The following SPAG16 variants were observed in gnomAD, a reference collection of about 807,000 sequenced individuals.
The protein encoded by SPAG16 is sperm associated antigen 16, also known as sperm-associated antigen 16 protein.
In SPAG16, 86 loss-of-function variants were observed where a neutral mutation model predicts 80.4. The ratio of observed to expected loss-of-function variants is 1.07; its 90% CI spans 0.90 to 1.28. The LOEUF is 1.28. SPAG16 is among the 50% of genes most tolerant of loss of function. SPAG16 has a pLI of 0.00. For synonymous variants in SPAG16, 294 were observed against 265.9 expected, an observed-to-expected ratio of 1.11 and a Z score of -1.03; for missense variants, 870 against 765.3, an observed-to-expected ratio of 1.14 and a Z score of -1.61.
At chr2:214,136,062 C>G (rs1051558675) in intron 14 of SPAG16, among the ~76,000 whole-genome samples, 1 of 152,042 alleles carries the variant, frequency 6.6e-6, no homozygotes, top group Non-Finnish European at 1.5e-5. Flanking sequence ...GTAGCTGTCA[C>G]ATGGTGAGAG....
At chr2:214,410,045 T>A in intron 15 of SPAG16, 95 bp from the exon 16 acceptor site, 1 of 1,392,558 alleles carries the variant, frequency 7.2e-7, no homozygotes, top group South Asian at 1.2e-5. Flanking sequence ...GAATGATAAT[T>A]GAAAAAAATA....
chr2:213,380,551 T>A (rs2067118592), intron 9 of SPAG16, among the ~76,000 whole-genome samples: 1 of 152,206 alleles, frequency 6.6e-6, no homozygotes, highest in Non-Finnish European at 1.5e-5. Flanking sequence ...CTGCTATGCA[T>A]GACCCAGTTT....
At chr2:214,235,788 T>C (rs781556124) in intron 15 of SPAG16, among the ~76,000 whole-genome samples, 1 of 152,204 alleles carries the variant, frequency 6.6e-6, no homozygotes, top group Non-Finnish European at 1.5e-5. Context: ...ACAAACAACA[T>C]TTATTTCCAA....
chr2:214,161,217 A>T (rs891073664), intron 15 of SPAG16, among the ~76,000 whole-genome samples: 3 of 152,042 alleles, frequency 2.0e-5, no homozygotes, highest in Admixed American at 6.6e-5. Flanking sequence ...GGGCAATTAG[A>T]TTGATTTCAT....
chr2:214,221,598 G>A (rs1472656146), intron 15 of SPAG16, among the ~76,000 whole-genome samples: 1 of 152,008 alleles, frequency 6.6e-6, no homozygotes, highest in Non-Finnish European at 1.5e-5. Context: ...CTGCTAAAGA[G>A]TAAATATTTG....
chr2:213,952,991 T>C (rs2106328512), intron 12 of SPAG16, among the ~76,000 whole-genome samples: 1 of 152,172 alleles, frequency 6.6e-6, no homozygotes, highest in Non-Finnish European at 1.5e-5. Flanking sequence ...AAACACATAA[T>C]TGTAGAAACC....
chr2:214,107,775 C>T (rs1036254065), intron 13 of SPAG16, among the ~76,000 whole-genome samples: 6 of 152,056 alleles, frequency 3.9e-5, no homozygotes, highest in Admixed American at 3.9e-4. Flanking sequence ...AAATGTGATT[C>T]TATCATTTAA....
chr2:213,635,521 C>T (rs1311089738), intron 10 of SPAG16, among the ~76,000 whole-genome samples: 1 of 152,178 alleles, frequency 6.6e-6, no homozygotes, highest in Non-Finnish European at 1.5e-5. Context: ...TACTGGTTCA[C>T]ATTCCCACCA....
At chr2:214,151,058 G>T (rs2216487) in intron 15 of SPAG16, among the ~76,000 whole-genome samples, 1 of 151,946 alleles carries the variant, frequency 6.6e-6, no homozygotes, top group East Asian at 1.9e-4. Context: ...CAGTCTGAAG[G>T]AATATGATTT....
chr2:214,321,541 T>C (rs1298184053), intron 15 of SPAG16, among the ~76,000 whole-genome samples: 1 of 152,204 alleles, frequency 6.6e-6, no homozygotes, highest in African/African-American at 2.4e-5. Flanking sequence ...TAGGCCACAA[T>C]TGCTCTATTC....
intron 11 of SPAG16, among the ~76,000 whole-genome samples, chr2:213,915,216 G>A (rs1284883204): frequency 2.6e-5 from 4 of 151,834 alleles, no homozygotes; most frequent in African/African-American, 9.7e-5. Context: ...TGCCATGGTG[G>A]TTTGCTGCAC....
intron 10 of SPAG16, among the ~76,000 whole-genome samples, chr2:213,831,342 C>A (rs1381528609): frequency 6.6e-6 from 1 of 151,816 alleles, no homozygotes; most frequent in Non-Finnish European, 1.5e-5. Flanking sequence ...CCGGCTGAAC[C>A]ATGACTTTTT....
chr2:213,845,087 T>C (rs189313179), intron 10 of SPAG16, among the ~76,000 whole-genome samples: 206 of 152,332 alleles, frequency 1.4e-3, no homozygotes, highest in African/African-American at 4.8e-3. Flanking sequence ...CTGTCATTTC[T>C]AAAGTAACTT....
At chr2:213,995,482 CAT>C (rs766171066) in intron 12 of SPAG16, among the ~76,000 whole-genome samples, 27 of 152,210 alleles carry the variant, frequency 1.8e-4, no homozygotes, top group Non-Finnish European at 3.1e-4. Context: ...ATCCGTGACA[CAT>C]GAGTCTCTGC....
chr2:213,593,746 CTTTTTTTTTTTTTTTTTTTTTTTTTTT>C (rs541949006), intron 10 of SPAG16, among the ~76,000 whole-genome samples: 33 of 50,192 alleles, frequency 6.6e-4, no homozygotes, highest in Middle Eastern at 0.013. Flanking sequence ...CCCACCACAT[CTTTTTTTTTTTTTTTTTTTTTTTTTTT>C]TTTTTTTTTT....
chr2:213,833,496 TA>T (rs2073846059), intron 10 of SPAG16, among the ~76,000 whole-genome samples: 1 of 1,148 alleles, frequency 8.7e-4, no homozygotes, highest in African/African-American at 1.1e-3. Flanking sequence ...TTATATATAA[TA>T]TATATATTAT....
intron 10 of SPAG16, among the ~76,000 whole-genome samples, chr2:213,498,046 T>C (rs1456623793): frequency 6.6e-6 from 1 of 152,180 alleles, no homozygotes; most frequent in Non-Finnish European, 1.5e-5. Flanking sequence ...TTAGAACAAG[T>C]ACCAATATAT....
intron 15 of SPAG16, among the ~76,000 whole-genome samples, chr2:214,273,298 A>C (rs1279894055): frequency 1.3e-5 from 2 of 152,170 alleles, no homozygotes; most frequent in Non-Finnish European, 2.9e-5. Context: ...TAGTTTAATC[A>C]GATCCCATTT....
chr2:214,008,563 G>A (rs2047137574), intron 12 of SPAG16, among the ~76,000 whole-genome samples: 1 of 152,080 alleles, frequency 6.6e-6, no homozygotes, highest in Non-Finnish European at 1.5e-5. Flanking sequence ...TGGCCGACAT[G>A]GTGAAACCCT....
Sources: gnomAD v4.1 joint callset for allele counts (sites outside exome capture counted in the v4.1 genomes callset) on GRCh38, gnomAD v4.1.1 for gene constraint, MANE v1.5 for transcripts, NCBI Gene and HGNC (gene_info 2026-07-23, HGNC 2026-07-21) for gene names.